Variants in HLTF observed in about 807,000 individuals in gnomAD.
The protein encoded by HLTF is helicase like transcription factor, also known as DNA-dependent ATPase/E3 ubiquitin-protein ligase HLTF.
HLTF carries 127 observed loss-of-function variants against 129.4 expected under a neutral mutation model. The observed-to-expected ratio is 0.98, with a 90% CI of 0.85 to 1.14. HLTF has a LOEUF of 1.14. Among genes scored for constraint, HLTF ranks in the 50% most tolerant of loss-of-function variants. HLTF has a pLI of 0.00. For missense variants in HLTF, 1,139 were observed against 1,187.1 expected (o/e 0.96, Z 0.60); for synonymous variants, 332 against 388.8 (o/e 0.85, Z 1.72).
rs772182130 is a variant in HLTF, at chr3:149,050,220, A to G, written c.1617+12T>C. On this transcript the variant is annotated intron_variant, in intron 15 of 24. Transcript: ENST00000310053. Reference sequence around the variant, plus strand: ...ATCTTTAAAAGATCTGTTAAGTATCAACAATACTTACTCCATAGTCATGAG... The same window carrying G: ...ATCTTTAAAAGATCTGTTAAGTATCGACAATACTTACTCCATAGTCATGAG... 6.7e-7 allele frequency: 1 copy of G among 1,503,698 alleles called. No individual in the cohort carries two copies. The highest frequency in any genetic ancestry group is 1.2e-5 in the South Asian group (1 of 83,426). 93.1% of individuals were successfully genotyped at this position (1,503,698 alleles called of 1,614,324 possible).
chr3:149,063,308 C>T (rs896133171), intron 10 of HLTF, 123 bp downstream of exon 10: 1 of 631,402 alleles, frequency 1.6e-6, no homozygotes, highest in East Asian at 3.0e-5. Flanking sequence ...GATCCGCCCG[C>T]CTCGGCCTCC....
At position 149,048,082 on chromosome 3, in the gene HLTF, C is replaced by T. The variant is rs1716701208; in HGVS notation, c.1838G>A (p.Trp613Ter). ...AGGACGCTGTATTGTTCTATGCCAC[C>T]ATTCTCTATCAATAAATGGTTTAAG... Reference protein sequence around the residue: ...LKLKPFIDREWWHRTIQRPVT... With the variant: ...LKLKPFIDRE The change falls in exon 17 of 25, where the codon TGG becomes TAG. Residue 613 changes from tryptophan to a stop codon, truncating the protein, a stop_gained. Coordinates refer to ENST00000310053, the MANE Select transcript of HLTF (RefSeq NM_003071.4). LOFTEE classifies it high-confidence loss of function. 3 of 1,612,972 alleles carry T rather than the reference C, an allele frequency of 1.9e-6. No homozygotes were observed. Among genetic ancestry groups the T allele is most frequent in the Admixed American group, 1.7e-5 (1 of 59,904 alleles).
chr3:149,061,551 C>T (rs879876868), intron 10 of HLTF, among the ~76,000 whole-genome samples: 1 of 151,910 alleles, frequency 6.6e-6, no homozygotes, highest in African/African-American at 2.4e-5. Flanking sequence ...AGAATTGGCT[C>T]GTGGCCAGGC....
At chr3:149,052,827 T>C (rs1717106323) in intron 14 of HLTF, among the ~76,000 whole-genome samples, 1 of 152,064 alleles carries the variant, frequency 6.6e-6, no homozygotes, top group African/African-American at 2.4e-5. Flanking sequence ...AATGGGACAG[T>C]GCATTATTTG....
At chr3:149,071,819 G>A (rs1349459079) in intron 5 of HLTF, among the ~76,000 whole-genome samples, 162 bp from the exon 6 acceptor site, 1 of 152,168 alleles carries the variant, frequency 6.6e-6, no homozygotes, top group African/African-American at 2.4e-5. Flanking sequence ...GACCAAGGTG[G>A]GAGGATCACT....
chr3:149,078,988 G>GA (rs1365580360), intron 2 of HLTF, among the ~76,000 whole-genome samples: 2 of 152,044 alleles, frequency 1.3e-5, no homozygotes, highest in African/African-American at 2.4e-5. Flanking sequence ...AATAACTGAA[G>GA]AAAAAATTCA....
At position 149,041,472 on chromosome 3, in the gene HLTF, A is replaced by G. The variant is rs199872618; in HGVS notation, c.2376+18T>C. On this transcript the variant is annotated intron_variant, in intron 20 of 24. Coordinates refer to ENST00000310053, the MANE Select transcript of HLTF (RefSeq NM_003071.4). Reference sequence around the variant, plus strand: ...CTACTCTATCAAACACTGAACCTGTACTGAGCAAAAAACTAACCTGCTCAT... The same window carrying G: ...CTACTCTATCAAACACTGAACCTGTGCTGAGCAAAAAACTAACCTGCTCAT... The G allele has an allele frequency of 4.4e-5, 70 of 1,600,644 alleles. No individual in the cohort carries two copies. In the East Asian group the frequency reaches 1.5e-3, roughly 35 times the overall value.
intron 17 of HLTF, among the ~76,000 whole-genome samples, chr3:149,046,719 A>G (rs1282376679): frequency 1.3e-5 from 2 of 152,222 alleles, no homozygotes; most frequent in East Asian, 3.8e-4. Flanking sequence ...ATAAATAAGT[A>G]ATTGTATAAA....
rs1308204408 is a variant in HLTF at position 149,071,773 on chromosome 3, G to A, written c.628-116C>T. ...GGCGTTAATGTCAAACGGGCCAGGA[G>A]TGGTGGCTCATGCCAATAATCTCAG... is the stretch of plus-strand genomic sequence containing the variant. On this transcript the variant is annotated intron_variant, in intron 5 of 24. Coordinates refer to ENST00000310053, the MANE Select transcript of HLTF (RefSeq NM_003071.4). 33 of 696,428 alleles carry A rather than the reference G, an allele frequency of 4.7e-5. 1 individual carries two copies. The Admixed American group carries it at 9.0e-4, about 19-fold the overall frequency. The allele number at this position is 696,428 out of a possible 1,614,324, so 43.1% of individuals were successfully genotyped here. A position where few individuals can be genotyped will look rare whatever the true frequency, so the allele number is the denominator to read the frequency against.
intron 2 of HLTF, 42 bp from the exon 3 acceptor site, chr3:149,076,089 T>C (rs751483667): frequency 1.3e-6 from 1 of 768,266 alleles, no homozygotes; most frequent in Non-Finnish European, 2.0e-6. Flanking sequence ...TTATAAATAA[T>C]AGACAATAAC....
At chr3:149,045,982 C>T (rs1313472724) in intron 18 of HLTF, 98 bp downstream of exon 18, 2 of 839,368 alleles carry the variant, frequency 2.4e-6, no homozygotes, top group Admixed American at 6.4e-5. Context: ...TTTCAGTATA[C>T]TTCAAACTAT....
At chr3:149,065,600 C>T (rs999011585) in intron 8 of HLTF, among the ~76,000 whole-genome samples, 5 of 152,072 alleles carry the variant, frequency 3.3e-5, no homozygotes, top group African/African-American at 9.7e-5. Context: ...GAGACCGAGG[C>T]GGGCGGATCA....
At chr3:149,036,438 G>A (rs1233534071) in intron 23 of HLTF, among the ~76,000 whole-genome samples, 1 of 151,624 alleles carries the variant, frequency 6.6e-6, no homozygotes, top group Non-Finnish European at 1.5e-5. Flanking sequence ...ACAGGCGCTT[G>A]CCACCATGCC....
chr3:149,066,049 CTTT>C (rs916950821), intron 8 of HLTF, among the ~76,000 whole-genome samples: 1 of 146,104 alleles, frequency 6.8e-6, no homozygotes, highest in Non-Finnish European at 1.5e-5. Context: ...CATTCATCTT[CTTT>C]TTTTTTTTTC....
chr3:149,050,182 T>C, intron 15 of HLTF, 50 bp downstream of exon 15: 1 of 1,272,690 alleles, frequency 7.9e-7, no homozygotes, highest in Non-Finnish European at 1.1e-6. Flanking sequence ...CTGTGGCATA[T>C]TTCTTACATT....
chr3:149,060,641 AC>A lies in HLTF; in HGVS notation c.1285+1del, dbSNP rs1198904185. ...GATTATGGGTATATAGTATACACAT[AC>A]CTTTCGCCCTGCCTTTAGTTTCAGA... On this transcript the variant is annotated splice_donor_variant, in intron 12 of 24. Transcript: ENST00000310053. LOFTEE classifies it high-confidence loss of function. 1 of 1,608,178 alleles carries A rather than the reference AC, an allele frequency of 6.2e-7. No individual in the cohort carries two copies. The highest frequency in any genetic ancestry group is 1.1e-5 in the South Asian group (1 of 90,934).
chr3:149,052,684 G>A (rs1717094184), intron 14 of HLTF, among the ~76,000 whole-genome samples: 1 of 152,092 alleles, frequency 6.6e-6, no homozygotes, highest in African/African-American at 2.4e-5. Flanking sequence ...ATGCAGAGAG[G>A]ATAAAACATG....
chr3:149,086,346 T>C lies in HLTF; in HGVS notation c.-10A>G, dbSNP rs761514615. ...TGAACATCCAGGACATGGCGCTGAGTGGGATGACAAGAGGAGCGCCTCGGC... is the reference window on the plus strand; with the variant it reads ...TGAACATCCAGGACATGGCGCTGAGCGGGATGACAAGAGGAGCGCCTCGGC... On this transcript the variant is annotated 5_prime_UTR_variant, in exon 1 of 25. Transcript: ENST00000310053. 22 of 1,591,220 alleles carry C rather than the reference T, an allele frequency of 1.4e-5. No homozygotes were observed. Among genetic ancestry groups the C allele is most frequent in the Middle Eastern group, 1.6e-4 (1 of 6,064 alleles).
intron 2 of HLTF, among the ~76,000 whole-genome samples, chr3:149,078,654 G>A (rs1000714574): frequency 4.6e-5 from 7 of 152,148 alleles, no homozygotes; most frequent in South Asian, 2.1e-4. Flanking sequence ...TCAGGAGATC[G>A]AGACCATCCT....
Sources: allele counts gnomAD v4.1 joint callset (sites outside exome capture counted in the v4.1 genomes callset), GRCh38; gene constraint gnomAD v4.1.1; transcripts MANE v1.5; gene names NCBI Gene and HGNC (gene_info 2026-07-23, HGNC 2026-07-21).